Variants in PMP2 observed in about 807,000 individuals in gnomAD.
The protein encoded by PMP2 is peripheral myelin protein 2.
Under a neutral mutation model 15.9 loss-of-function variants are expected in PMP2, and 11 were observed. That is an observed-to-expected ratio of 0.69 (90% CI 0.44 to 1.14). PMP2 has a LOEUF of 1.14. PMP2 is among the 50% of genes most tolerant of loss of function. PMP2 has a pLI of 0.00. For missense variants in PMP2, 151 were observed against 154.0 expected (o/e 0.98, Z 0.10); for synonymous variants, 55 against 54.1 (o/e 1.02, Z -0.07).
In PMP2 at chr8:81,440,630, T is replaced by C. The variant is rs1037359105; in HGVS notation, c.*2768A>G. The stretch of plus-strand genomic sequence containing the variant: ...CAGACTGTCTCAAAGAAAACACATA[T>C]ACCTTTTGCTCAGATTATTGTTAAA... On this transcript the variant is annotated 3_prime_UTR_variant, in exon 4 of 4. Transcript: ENST00000256103. The C allele has an allele frequency of 1.3e-5, 2 of 152,210 alleles. No individual in the cohort carries two copies. The highest frequency in any genetic ancestry group is 2.4e-5 in the African/African-American group (1 of 41,452). 9.4% of individuals were successfully genotyped at this position (152,210 alleles called of 1,614,324 possible). A position where few individuals can be genotyped will look rare whatever the true frequency, so the allele number is the denominator to read the frequency against.
At chr8:81,445,902 T>A (rs1807440464) in intron 1 of PMP2, among the ~76,000 whole-genome samples, 1 of 152,110 alleles carries the variant, frequency 6.6e-6, no homozygotes, top group African/African-American at 2.4e-5. Context: ...AAAATATTTT[T>A]TAAAAAACTC....
chr8:81,445,161 G>C (rs1807426576), intron 1 of PMP2, among the ~76,000 whole-genome samples, 172 bp from the exon 2 acceptor site: 1 of 152,040 alleles, frequency 6.6e-6, no homozygotes, highest in Non-Finnish European at 1.5e-5. Context: ...TACATGCCCA[G>C]GACTCAAACA....
Position 81,441,926 on chromosome 8 carries a change from G to A in PMP2, c.*1472C>T, listed in dbSNP as rs537206075. 4 of 151,938 alleles carry A rather than the reference G, an allele frequency of 2.6e-5. No homozygotes were observed. The South Asian group carries it at 8.3e-4, about 32-fold the overall frequency. The allele number at this position is 151,938 out of a possible 1,614,324, so 9.4% of individuals were successfully genotyped here. Reference sequence around the variant, plus strand: ...TTCCTTTTAGTGGCAAACTATATTAGACACGAAGATCTGAGTGCTAGGTAT... The same window carrying A: ...TTCCTTTTAGTGGCAAACTATATTAAACACGAAGATCTGAGTGCTAGGTAT... On this transcript the variant is annotated 3_prime_UTR_variant, in exon 4 of 4. Transcript: ENST00000256103.
rs778105511 is a variant in PMP2, at chr8:81,444,750, A to G, written c.246+67T>C. On this transcript the variant is annotated intron_variant, in intron 2 of 3. Transcript: ENST00000256103. ...AGAATTGAGTCTACCCTTTTACACTAGCAGGAATATTCCTCTCTCTCAAGC... is the reference window on the plus strand; with the variant it reads ...AGAATTGAGTCTACCCTTTTACACTGGCAGGAATATTCCTCTCTCTCAAGC... 3.2e-5 allele frequency: 47 copies of G among 1,463,784 alleles called. 2 individuals carry two copies. The highest frequency in any genetic ancestry group is 2.1e-4 in the South Asian group (18 of 85,486). The allele number at this position is 1,463,784 out of a possible 1,614,324, so 90.7% of individuals were successfully genotyped here.
rs376781525 is a variant in PMP2 at position 81,444,989 on chromosome 8, C to A, written c.74G>T (p.Gly25Val). ...ENFDDYMKAL[G>V]VGLATRKLGN... Reference sequence around the variant, plus strand: ...CAGTTTTCTGGTGGCTAACCCCACACCTGAAAATTAAGATAGTGTTAGAAT... The same window carrying A: ...CAGTTTTCTGGTGGCTAACCCCACAACTGAAAATTAAGATAGTGTTAGAAT... Residue 25 changes from glycine to valine, a missense_variant and splice_region_variant, in exon 2 of 4, where the codon GGT becomes GTT. Transcript: ENST00000256103. 5 of 1,611,360 alleles carry A rather than the reference C, an allele frequency of 3.1e-6. No individual in the cohort carries two copies. Among genetic ancestry groups the A allele is most frequent in the Admixed American group, 3.4e-5 (2 of 59,522 alleles).
chr8:81,443,377 C>T lies in PMP2; in HGVS notation c.*21G>A, dbSNP rs1222988997. ...TCCATCATTAAATGATAAAAAGCCA[C>T]TTCAATGAAGAAATGATTTTTCAGA... is the stretch of plus-strand genomic sequence containing the variant. On this transcript the variant is annotated 3_prime_UTR_variant, in exon 4 of 4. Coordinates refer to ENST00000256103, the MANE Select transcript of PMP2 (RefSeq NM_002677.5). 6.5e-6 allele frequency: 10 copies of T among 1,539,638 alleles called. No individual in the cohort carries two copies. The highest frequency in any genetic ancestry group is 1.8e-5 in the Admixed American group (1 of 56,456).
chr8:81,444,315 A>T (rs1479774546), intron 3 of PMP2, among the ~76,000 whole-genome samples, 185 bp downstream of exon 3: 1 of 152,144 alleles, frequency 6.6e-6, no homozygotes, highest in Non-Finnish European at 1.5e-5. Flanking sequence ...TATTTCTAAA[A>T]TCTTGGGTCA....
Position 81,440,747 on chromosome 8 carries a change from C to T in PMP2, c.*2651G>A, listed in dbSNP as rs1393337924. On this transcript the variant is annotated 3_prime_UTR_variant, in exon 4 of 4. Coordinates refer to ENST00000256103, the MANE Select transcript of PMP2 (RefSeq NM_002677.5). ...TACCTTATTTGCCTTATCAATTGCT[C>T]TCTTTATGTATGTTTGTGTGTACTG... 1 of 152,134 alleles carries T rather than the reference C, an allele frequency of 6.6e-6. No homozygotes were observed. The highest frequency in any genetic ancestry group is 1.5e-5 in the Non-Finnish European group (1 of 68,016). The allele number at this position is 152,134 out of a possible 1,614,324, so 9.4% of individuals were successfully genotyped here.
At chr8:81,444,700 C>T in intron 2 of PMP2, 99 bp from the exon 3 acceptor site, 1 of 1,322,716 alleles carries the variant, frequency 7.6e-7, no homozygotes, top group Non-Finnish European at 1.1e-6. Flanking sequence ...ATATAGATGT[C>T]TCAGGAGGTA....
rs1350237838 is a variant in PMP2 at position 81,447,438 on chromosome 8, A to T, written c.-52T>A. 2 of 1,428,988 alleles carry T rather than the reference A, an allele frequency of 1.4e-6. No individual in the cohort carries two copies. The highest frequency in any genetic ancestry group is 2.0e-6 in the Non-Finnish European group (2 of 1,011,502). 88.5% of individuals were successfully genotyped at this position (1,428,988 alleles called of 1,614,324 possible). On this transcript the variant is annotated 5_prime_UTR_variant, in exon 1 of 4. Transcript: ENST00000256103. ...TCTAAGTGGGATTCAGAAGACTCAG[A>T]TAAAATGCTGAGGCCTCAGAAGATT...
At chr8:81,447,256 G>C in intron 1 of PMP2, 58 bp downstream of exon 1, 3 of 1,303,738 alleles carry the variant, frequency 2.3e-6, no homozygotes, top group Non-Finnish European at 3.3e-6. Flanking sequence ...AGATGAAAAT[G>C]TCATGTAGCT....
At position 81,442,549 on chromosome 8, in the gene PMP2, TA is replaced by T; in HGVS notation, c.*848del. 1 of 152,632 alleles carries T rather than the reference TA, an allele frequency of 6.6e-6. No homozygotes were observed. The highest frequency in any genetic ancestry group is 1.9e-4 in the East Asian group (1 of 5,194). The allele number at this position is 152,632 out of a possible 1,614,324, so 9.5% of individuals were successfully genotyped here. ...TACTTGGTAATAAAAAGAAACAAACTACAGCTGCATGCAACAATGTGGATGT... is the reference window on the plus strand; with the variant it reads ...TACTTGGTAATAAAAAGAAACAAACTCAGCTGCATGCAACAATGTGGATGT... On this transcript the variant is annotated 3_prime_UTR_variant, in exon 4 of 4. Transcript: ENST00000256103.
chr8:81,444,779 C>A, intron 2 of PMP2, 38 bp downstream of exon 2: 2 of 1,591,514 alleles, frequency 1.3e-6, no homozygotes, highest in Non-Finnish European at 1.7e-6. Context: ...CTCAAGCAGC[C>A]CACTGGGCCA....
intron 3 of PMP2, among the ~76,000 whole-genome samples, chr8:81,443,752 G>A (rs1439617597): frequency 1.3e-5 from 2 of 152,018 alleles, no homozygotes; most frequent in Non-Finnish European, 2.9e-5. Flanking sequence ...GTTACCTGGG[G>A]AATATTTAAA....
chr8:81,445,021 G>T, intron 1 of PMP2, 32 bp from the exon 2 acceptor site: 1 of 1,589,788 alleles, frequency 6.3e-7, no homozygotes, highest in South Asian at 1.1e-5. Context: ...GAATTATGTT[G>T]ACCAAGAGAG....
chr8:81,444,733 G>C, intron 2 of PMP2, 84 bp downstream of exon 2: 2 of 1,410,270 alleles, frequency 1.4e-6, no homozygotes, highest in South Asian at 2.4e-5. Context: ...ACAGAATTGA[G>C]TCTACCCTTT....
intron 1 of PMP2, among the ~76,000 whole-genome samples, chr8:81,445,782 T>C (rs953507745): frequency 5.3e-5 from 8 of 152,224 alleles, no homozygotes; most frequent in Non-Finnish European, 2.9e-5. Flanking sequence ...CCTCATATTT[T>C]TGATAGAATT....
At chr8:81,444,225 A>C (rs1211765032) in intron 3 of PMP2, among the ~76,000 whole-genome samples, 1 of 152,216 alleles carries the variant, frequency 6.6e-6, no homozygotes, top group Non-Finnish European at 1.5e-5. Context: ...AGCCCAAACT[A>C]GTAAGATTTA....
rs34107357 is a variant in PMP2, at chr8:81,443,967, T to TA, written c.349-520dup. 4.0e-3 allele frequency among the ~76,000 whole-genome samples: 577 copies of TA among 145,068 alleles called. 5 individuals are homozygous for TA. Among genetic ancestry groups the TA allele is most frequent in the African/African-American group, 0.012 (465 of 39,750 alleles). The stretch of plus-strand genomic sequence containing the variant: ...ATTAGTGAACATAAAGCCTTAACCC[T>TA]AAAAAAAAAAAATCATCAAAGGTCA... On this transcript the variant is annotated intron_variant, in intron 3 of 3. Transcript: ENST00000256103.
Sources: gnomAD v4.1 joint callset for allele counts (sites outside exome capture counted in the v4.1 genomes callset) on GRCh38, gnomAD v4.1.1 for gene constraint, MANE v1.5 for transcripts, NCBI Gene and HGNC (gene_info 2026-07-23, HGNC 2026-07-21) for gene names.